The following FSD1L variants were observed in gnomAD, a reference collection of about 807,000 sequenced individuals.
The protein encoded by FSD1L is fibronectin type III and SPRY domain containing 1 like.
In FSD1L, 45 loss-of-function variants were observed where a neutral mutation model predicts 71.6. The observed-to-expected ratio is 0.63, with a 90% CI of 0.49 to 0.81. The LOEUF is 0.81. Among genes scored for constraint, FSD1L ranks in the 30% least tolerant of loss-of-function variants. The pLI, the probability that FSD1L is intolerant of heterozygous loss-of-function variation, is 0.00. For missense variants in FSD1L, 561 were observed against 618.1 expected (o/e 0.91, Z 0.98); for synonymous variants, 197 against 207.2 (o/e 0.95, Z 0.42).
chr9:105,471,879 T>C lies in FSD1L; in HGVS notation c.340-25T>C, dbSNP rs534875055. 37 of 970,530 alleles carry C rather than the reference T, an allele frequency of 3.8e-5. No individual in the cohort carries two copies. The African/African-American group carries it at 5.9e-4, about 15-fold the overall frequency. 60.1% of individuals were successfully genotyped at this position (970,530 alleles called of 1,614,324 possible). On this transcript the variant is annotated intron_variant, in intron 4 of 13. Transcript: ENST00000481272. ...CAATAGGAAACTTCATTTTAATGACTTAGTTTTTTTTTTTTTTTCCCTAGA... is the reference window on the plus strand; with the variant it reads ...CAATAGGAAACTTCATTTTAATGACCTAGTTTTTTTTTTTTTTTCCCTAGA...
At chr9:105,541,609 C>T (rs769056811) in intron 13 of FSD1L, among the ~76,000 whole-genome samples, 2 of 151,848 alleles carry the variant, frequency 1.3e-5, no homozygotes, top group African/African-American at 2.4e-5. Flanking sequence ...TTATTAAGTA[C>T]GTTAATGCCT....
chr9:105,534,939 A>G, intron 11 of FSD1L, 128 bp from the exon 12 acceptor site: 7 of 833,928 alleles, frequency 8.4e-6, no homozygotes, highest in Non-Finnish European at 1.3e-5. Context: ...GTGTGTTAAC[A>G]TGATTATTCT....
At chr9:105,497,746 A>G (rs766122872) in intron 7 of FSD1L, among the ~76,000 whole-genome samples, 2 of 152,242 alleles carry the variant, frequency 1.3e-5, no homozygotes, top group East Asian at 1.9e-4. Context: ...CTAGTTATTT[A>G]TTGATTCCAT....
chr9:105,451,218 C>CA (rs540878353), intron 1 of FSD1L, among the ~76,000 whole-genome samples: 17 of 152,240 alleles, frequency 1.1e-4, no homozygotes, highest in Non-Finnish European at 2.2e-4. Flanking sequence ...CTCGGCCTCC[C>CA]AAAGTGCTGG....
chr9:105,500,589 A>G (rs569758287), intron 7 of FSD1L: 1 of 152,264 alleles, frequency 6.6e-6, no homozygotes, highest in Admixed American at 6.5e-5. Context: ...GTATTTCAAA[A>G]TACTTCCTTT....
At chr9:105,481,212 C>T (rs2771045) in intron 6 of FSD1L, among the ~76,000 whole-genome samples, 26,378 of 83,862 alleles carry the variant, frequency 0.31, 3,664 homozygotes, top group Non-Finnish European at 0.38. Flanking sequence ...TTTGCTTGTT[C>T]AAACCCTATA....
At position 105,548,348 on chromosome 9, in the gene FSD1L, G is replaced by A. The variant is rs1423689339; in HGVS notation, c.*1865G>A. The A allele has an allele frequency of 6.6e-6, 1 of 152,498 alleles. No individual in the cohort carries two copies. 9.4% of individuals were successfully genotyped at this position (152,498 alleles called of 1,614,324 possible). On this transcript the variant is annotated 3_prime_UTR_variant, in exon 14 of 14. Coordinates refer to ENST00000481272, the MANE Select transcript of FSD1L (RefSeq NM_001145313.3). ...AACCTGAAAGCAGAAATTTTTAGTA[G>A]TTGAGTTGCTTTAAGTGAATTTTAA...
chr9:105,494,578 T>C (rs568594684), intron 7 of FSD1L, among the ~76,000 whole-genome samples: 1 of 152,354 alleles, frequency 6.6e-6, no homozygotes, highest in Non-Finnish European at 1.5e-5. Context: ...AGAGGCGCTC[T>C]GGTTTTTAGA....
At chr9:105,530,655 G>GC (rs1564145048) in intron 10 of FSD1L, 1 of 649,696 alleles carries the variant, frequency 1.5e-6, no homozygotes, top group Non-Finnish European at 2.8e-6. Context: ...TTTTCAGAAT[G>GC]CATGTTTCCT....
chr9:105,498,190 TTTATTATTATTATTATTA>T lies in FSD1L; in HGVS notation c.587-8191_587-8174del, dbSNP rs61620098. Among the ~76,000 whole-genome samples the T allele has an allele frequency of 4.6e-4, 66 of 143,436 alleles. 1 individual carries two copies. Among genetic ancestry groups the T allele is most frequent in the African/African-American group, 1.5e-3 (60 of 39,182 alleles). 94.1% of individuals were successfully genotyped at this position (143,436 alleles called of 152,430 possible). A position where few individuals can be genotyped will look rare whatever the true frequency, so the allele number is the denominator to read the frequency against. ...TTATTTCTTTTCTGCTTGCTTTGGCTTTATTATTATTATTATTATTATTATTATTATTATTGTTTTTAG... is the reference window on the plus strand; with the variant it reads ...TTATTTCTTTTCTGCTTGCTTTGGCTTTATTATTATTATTATTGTTTTTAG... On this transcript the variant is annotated intron_variant, in intron 7 of 13. Transcript: ENST00000481272.
rs574447851 is a variant in FSD1L, at chr9:105,550,986, G to C, written c.*4503G>C. The C allele has an allele frequency of 2.0e-5, 3 of 152,110 alleles. No individual in the cohort carries two copies. Among genetic ancestry groups the C allele is most frequent in the African/African-American group, 7.2e-5 (3 of 41,534 alleles). 9.4% of individuals were successfully genotyped at this position (152,110 alleles called of 1,614,324 possible). ...GAAGGCACGTGAATGTGTTTGCTTT[G>C]GCTTGGAGCTTATTAAGTTTTGACT... On this transcript the variant is annotated 3_prime_UTR_variant, in exon 14 of 14. Transcript: ENST00000481272.
At chr9:105,521,048 T>A in intron 10 of FSD1L, 7 of 1,613,084 alleles carry the variant, frequency 4.3e-6, no homozygotes, top group Non-Finnish European at 5.9e-6. Flanking sequence ...TATATCATCC[T>A]ATACTTGACA....
chr9:105,517,076 G>A (rs1245619290), intron 10 of FSD1L, among the ~76,000 whole-genome samples: 1 of 152,150 alleles, frequency 6.6e-6, no homozygotes, highest in Non-Finnish European at 1.5e-5. Context: ...AAGGATATCA[G>A]ACATTGAAGA....
intron 5 of FSD1L, among the ~76,000 whole-genome samples, chr9:105,476,433 A>T (rs1011507741): frequency 6.6e-6 from 1 of 152,236 alleles, no homozygotes; most frequent in Non-Finnish European, 1.5e-5. Flanking sequence ...TTTGTCAAAC[A>T]TCTGTTTAAT....
At chr9:105,528,765 G>T (rs1476119908) in intron 10 of FSD1L, among the ~76,000 whole-genome samples, 1 of 152,108 alleles carries the variant, frequency 6.6e-6, no homozygotes, top group Non-Finnish European at 1.5e-5. Context: ...GGCAACAAAA[G>T]CCAGAATTGA....
chr9:105,520,499 A>T, intron 10 of FSD1L: 1 of 1,067,468 alleles, frequency 9.4e-7, no homozygotes, highest in Non-Finnish European at 1.5e-6. Flanking sequence ...GAGGAACTGG[A>T]TGCTATACTT....
At chr9:105,466,126 A>T (rs1831052441) in intron 3 of FSD1L, among the ~76,000 whole-genome samples, 1 of 152,248 alleles carries the variant, frequency 6.6e-6, no homozygotes, top group Non-Finnish European at 1.5e-5. Flanking sequence ...CAAAGAGAAA[A>T]TAAGAAAACA....
intron 7 of FSD1L, among the ~76,000 whole-genome samples, chr9:105,503,711 C>T (rs966004641): frequency 2.6e-5 from 4 of 152,216 alleles, no homozygotes; most frequent in Admixed American, 6.5e-5. Context: ...AGTACACTAT[C>T]TTTCATCTTC....
At position 105,499,825 on chromosome 9, in the gene FSD1L, T is replaced by G. The variant is rs561688038; in HGVS notation, c.587-6574T>G. 2.0e-5 allele frequency among the ~76,000 whole-genome samples: 3 copies of G among 152,258 alleles called. No homozygotes were observed. In the South Asian group the frequency reaches 6.2e-4, roughly 32 times the overall value. ...AATTTCCATTATACATATTTACTCC[T>G]TTCGTACTTCCACAGTAAATTTTGG... On this transcript the variant is annotated intron_variant, in intron 7 of 13. Transcript: ENST00000481272.
Sources: allele counts gnomAD v4.1 joint callset (sites outside exome capture counted in the v4.1 genomes callset), GRCh38; gene constraint gnomAD v4.1.1; transcripts MANE v1.5; gene names NCBI Gene and HGNC (gene_info 2026-07-23, HGNC 2026-07-21).